TRMT44: variants seen among roughly 807,000 people sequenced by gnomAD.
TRMT44 encodes the protein tRNA methyltransferase 44 homolog, also known as probable tRNA (uracil-O(2)-)-methyltransferase.
A neutral mutation model predicts 77.3 loss-of-function variants in TRMT44; 78 were observed. The observed-to-expected ratio is 1.01, with a 90% CI of 0.84 to 1.22. The LOEUF is 1.22. Ranked by LOEUF, TRMT44 falls within the 50% of genes most tolerant of loss-of-function variation. The pLI is 0.00. For missense variants in TRMT44, 1,090 were observed against 964.4 expected (o/e 1.13, Z -1.73); for synonymous variants, 391 against 383.3 (o/e 1.02, Z -0.23).
intron 6 of TRMT44, among the ~76,000 whole-genome samples, chr4:8,459,994 GGCCTGACA>G (rs1382861415): frequency 6.6e-6 from 1 of 152,136 alleles, no homozygotes. Context: ...CGGGGGTCTG[GGCCTGACA>G]GCACATCTAT....
chr4:8,504,344 G>T, the TRMT44 span, among the ~76,000 whole-genome samples: 1 of 152,036 alleles, frequency 6.6e-6, no homozygotes, highest in African/African-American at 2.4e-5. This position sits in a 1 kb window ranked among gnomAD's most constrained non-coding sequence, Gnocchi z 5.3. Context: ...TCCCTTCCCC[G>T]CCAGGTACCC....
At chr4:8,449,452 A>G (rs73211371) in intron 2 of TRMT44, among the ~76,000 whole-genome samples, 2,417 of 152,324 alleles carry the variant, frequency 0.016, 18 homozygotes, top group Middle Eastern at 0.037. Context: ...GTGTAAATAT[A>G]TCCTTAACAA....
chr4:8,492,242 G>A (rs1226591876), intron 2 of TRMT44, among the ~76,000 whole-genome samples: 1 of 152,142 alleles, frequency 6.6e-6, no homozygotes, highest in Non-Finnish European at 1.5e-5. Flanking sequence ...TTAACATTAT[G>A]TAATGCATAA....
intron 1 of TRMT44, among the ~76,000 whole-genome samples, 192 bp downstream of exon 1, chr4:8,441,633 G>C (rs966639296): frequency 3.3e-5 from 5 of 152,152 alleles, no homozygotes; most frequent in African/African-American, 1.2e-4. Context: ...TAATTGATTG[G>C]GGTGGTGTCT....
In TRMT44 at chr4:8,475,865, C is replaced by G; in HGVS notation, c.2138C>G (p.Ala713Gly). The change falls in exon 11 of 11, where the codon GCC becomes GGC. Residue 713 changes from alanine to glycine, a missense_variant. Physicochemically the swap from Ala to Gly is moderately conservative, Grantham distance 60. Coordinates refer to ENST00000389737, the MANE Select transcript of TRMT44 (RefSeq NM_152544.3). ...GCGAAACAGAGACTGCTCTCTGAAG[C>G]CTGCAAAACCCGCCTCTGCTGGTTC... ...PEAKQRLLSE[A>G]CKTRLCWFFM... The G allele has an allele frequency of 6.2e-7, 1 of 1,614,234 alleles. No individual in the cohort carries two copies. The highest frequency in any genetic ancestry group is 1.1e-5 in the South Asian group (1 of 91,090).
At chr4:8,497,513 C>T (rs903125092), downstream of TRMT44, among the ~76,000 whole-genome samples, 30 of 152,174 alleles carry the variant, frequency 2.0e-4, no homozygotes, top group Admixed American at 5.2e-4. Flanking sequence ...GGTGTGGTGG[C>T]AGGCGCCTGT....
intron 6 of TRMT44, among the ~76,000 whole-genome samples, chr4:8,457,017 GC>G (rs34337697): frequency 0.019 from 2,341 of 126,088 alleles, 41 homozygotes; most frequent in Middle Eastern, 0.045. Context: ...CAAGACACCC[GC>G]CCCCCCCCCC....
intron 7 of TRMT44, 65 bp downstream of exon 7, chr4:8,464,156 C>A: frequency 7.3e-7 from 1 of 1,364,230 alleles, no homozygotes; most frequent in Non-Finnish European, 1.0e-6. Context: ...ACAGTGGTGT[C>A]CAAAAGGGTA....
chr4:8,465,595 T>C, intron 8 of TRMT44, 34 bp downstream of exon 8: 2 of 1,579,762 alleles, frequency 1.3e-6, no homozygotes, highest in Non-Finnish European at 1.7e-6. Flanking sequence ...CTAGGCGGTG[T>C]GTCGGTGTTC....
Position 8,452,809 on chromosome 4 carries a change from C to G in TRMT44, c.1024-73C>G, listed in dbSNP as rs1725538734. 1 of 778,634 alleles carries G rather than the reference C, an allele frequency of 1.3e-6. No individual in the cohort carries two copies. The highest frequency in any genetic ancestry group is 2.0e-6 in the Non-Finnish European group (1 of 506,764). 48.2% of individuals were successfully genotyped at this position (778,634 alleles called of 1,614,324 possible). ...CCTTTCACTCAGAGTTTTCTTTGAC[C>G]AGTTTGTGTCTAAATTATTCTTGCG... On this transcript the variant is annotated intron_variant, in intron 4 of 10. Coordinates refer to ENST00000389737, the MANE Select transcript of TRMT44 (RefSeq NM_152544.3). The surrounding 1 kb of genome is among the most constrained non-coding windows in gnomAD (Gnocchi z 5.7).
At chr4:8,476,869 A>G (rs1727418024), downstream of TRMT44, 1 of 152,210 alleles carries the variant, frequency 6.6e-6, no homozygotes, top group South Asian at 2.1e-4. Flanking sequence ...TCAGCCTGTC[A>G]AGTGACTGGG....
At chr4:8,471,028 A>G in intron 9 of TRMT44, 56 bp from the exon 10 acceptor site, 3 of 1,213,098 alleles carry the variant, frequency 2.5e-6, no homozygotes, top group Non-Finnish European at 2.4e-6. Context: ...CCTGTGTGAC[A>G]GGTTCGTAAT....
rs1235400767 is a variant in TRMT44 at position 8,468,068 on chromosome 4, G to A, written c.1649G>A (p.Ser550Asn). ...TCTCCACGCTGGGTTGCTGCTGGCA[G>A]TGCTGGTCACTGTGACGGTCAGCAA... ...SPSPRWVAAG[S>N]AGHCDGQQAL... is the part of the protein sequence containing the mutation. The change falls in exon 9 of 11, where the codon AGT becomes AAT. Residue 550 changes from serine to asparagine, a missense_variant. Physicochemically the swap from Ser to Asn is conservative, Grantham distance 46. Transcript: ENST00000389737. 2.5e-6 allele frequency: 4 copies of A among 1,613,860 alleles called. No individual in the cohort carries two copies. Among genetic ancestry groups the A allele is most frequent in the Middle Eastern group, 1.6e-4 (1 of 6,084 alleles).
rs1560222089 is a variant in TRMT44, at chr4:8,449,956, T to TTCTTTTTTC, written c.954+69_954+70insCTTTTTTCT. ...TTTCTTTTCTTTTCTTTTCTTTTTT[T>TTCTTTTTTC]TTTTTTTTTTTTTTTTTTGCGACAG... On this transcript the variant is annotated intron_variant, in intron 3 of 10. Transcript: ENST00000389737. 1.2e-4 allele frequency: 84 copies of TTCTTTTTTC among 702,052 alleles called. No individual in the cohort carries two copies. In the South Asian group the frequency reaches 2.2e-3, roughly 18 times the overall value. The allele number at this position is 702,052 out of a possible 1,614,324, so 43.5% of individuals were successfully genotyped here. A position where few individuals can be genotyped will look rare whatever the true frequency, so the allele number is the denominator to read the frequency against.
chr4:8,462,382 G>T (rs934234525), intron 6 of TRMT44, among the ~76,000 whole-genome samples: 5 of 151,496 alleles, frequency 3.3e-5, no homozygotes, highest in African/African-American at 1.2e-4. Flanking sequence ...CTGCACGCCA[G>T]CCTAGGCAAC....
At chr4:8,441,552 A>G in intron 1 of TRMT44, 111 bp downstream of exon 1, 1 of 1,283,306 alleles carries the variant, frequency 7.8e-7, no homozygotes, top group Non-Finnish European at 1.0e-6. Flanking sequence ...TGTCCTAGGG[A>G]GGTTGTTAGG....
chr4:8,492,351 T>A (rs776526069), intron 2 of TRMT44, among the ~76,000 whole-genome samples: 23 of 152,192 alleles, frequency 1.5e-4, no homozygotes, highest in Non-Finnish European at 2.8e-4. Flanking sequence ...TACTTTTTGC[T>A]CTGGCCATGA....
chr4:8,461,291 G>A lies in TRMT44; in HGVS notation c.1204-2694G>A, dbSNP rs1191806179. On this transcript the variant is annotated intron_variant, in intron 6 of 10. Coordinates refer to ENST00000389737, the MANE Select transcript of TRMT44 (RefSeq NM_152544.3). This position sits in a 1 kb window ranked among gnomAD's most constrained non-coding sequence, Gnocchi z 4.6. ...TGTTGGTAATCTAGCCAGTGCACTC[G>A]GGAGGCTCTGCAAATATGTGTGTAG... Among the ~76,000 whole-genome samples, 2 of 152,166 alleles carry A rather than the reference G, an allele frequency of 1.3e-5. No individual in the cohort carries two copies. Among genetic ancestry groups the A allele is most frequent in the Admixed American group, 6.5e-5 (1 of 15,284 alleles).
intron 2 of TRMT44, among the ~76,000 whole-genome samples, chr4:8,484,241 C>T (rs1310341972): frequency 3.3e-5 from 5 of 151,972 alleles, no homozygotes; most frequent in Non-Finnish European, 7.4e-5. Flanking sequence ...CAGAGAGATA[C>T]AGTCATGAGG....
Sources: gnomAD v4.1 joint callset for allele counts (sites outside exome capture counted in the v4.1 genomes callset) on GRCh38, gnomAD v4.1.1 for gene constraint, Gnocchi (gnomAD v3.1) non-coding constraint, MANE v1.5 for transcripts, NCBI Gene and HGNC (gene_info 2026-07-23, HGNC 2026-07-21) for gene names.